The following ANK3 variants were observed in gnomAD, a reference collection of about 807,000 sequenced individuals.
ANK3 encodes ankyrin 3.
ANK3 carries 57 observed loss-of-function variants against 370.9 expected under a neutral mutation model. The observed-to-expected ratio is 0.15, with a 90% confidence interval of 0.12 to 0.19. The LOEUF is 0.19. Among genes scored for constraint, ANK3 ranks in the 10% least tolerant of loss-of-function variants. The pLI is 1.00. For synonymous variants in ANK3, 1,929 were observed against 1,946.3 expected, an observed-to-expected ratio of 0.99 and a Z score of 0.23; for missense variants, 4,439 against 5,302.1, an observed-to-expected ratio of 0.84 and a Z score of 5.06.
At chr10:60,299,803 T>C (rs2043294645) in intron 1 of ANK3, among the ~76,000 whole-genome samples, 1 of 152,208 alleles carries the variant, frequency 6.6e-6, no homozygotes, top group African/African-American at 2.4e-5. Context: ...GGAAATAAAA[T>C]TACATTTTCC....
intron 42 of ANK3, chr10:60,051,557 A>C (rs896719008): frequency 2.0e-6 from 2 of 985,458 alleles, no homozygotes; most frequent in Non-Finnish European, 2.4e-6. Context: ...ACTGTCTTTC[A>C]AGTCCTGACA....
chr10:60,137,499 A>G (rs930976094), intron 24 of ANK3: 3 of 229,152 alleles, frequency 1.3e-5, no homozygotes, highest in African/African-American at 6.8e-5. Flanking sequence ...CACTCAGAAT[A>G]TATTTTACTT....
At chr10:60,461,045 A>C (rs2064871796) in intron 2 of ANK3, among the ~76,000 whole-genome samples, 1 of 152,082 alleles carries the variant, frequency 6.6e-6, no homozygotes, top group Non-Finnish European at 1.5e-5. Flanking sequence ...AGGTCACAAA[A>C]CTCAAAATGC....
At chr10:60,269,759 A>G (rs2097939541) in intron 5 of ANK3, among the ~76,000 whole-genome samples, 1 of 152,040 alleles carries the variant, frequency 6.6e-6, no homozygotes, top group Admixed American at 6.6e-5. Context: ...AAATTTGGAA[A>G]AACAATTTAA....
intron 41 of ANK3, among the ~76,000 whole-genome samples, chr10:60,056,353 C>T (rs1250232663): frequency 6.8e-6 from 1 of 146,822 alleles, no homozygotes; most frequent in Non-Finnish European, 1.5e-5. Flanking sequence ...CCTGTAATCC[C>T]AGCTACTCAG....
intron 1 of ANK3, among the ~76,000 whole-genome samples, chr10:60,359,564 A>C (rs778406427): frequency 6.6e-6 from 1 of 152,222 alleles, no homozygotes; most frequent in Non-Finnish European, 1.5e-5. Flanking sequence ...ATTATATTTT[A>C]TTGGTGTGAT....
intron 30 of ANK3, 48 bp downstream of exon 30, chr10:60,086,629 C>T: frequency 6.8e-7 from 1 of 1,478,614 alleles, no homozygotes; most frequent in Admixed American, 1.9e-5. Context: ...TATCTTTGTA[C>T]ACAATCTTTG....
chr10:60,532,227 A>C (rs2076621600), intron 2 of ANK3, among the ~76,000 whole-genome samples: 1 of 152,156 alleles, frequency 6.6e-6, no homozygotes, highest in Non-Finnish European at 1.5e-5. Context: ...TACTTCTCAC[A>C]ATCAGGCCTC....
intron 16 of ANK3, among the ~76,000 whole-genome samples, chr10:60,190,008 G>T (rs2096444273): frequency 6.6e-6 from 1 of 152,116 alleles, no homozygotes; most frequent in Admixed American, 6.5e-5. Flanking sequence ...GGTTATGCCT[G>T]AACTCAAGCC....
intron 8 of ANK3, among the ~76,000 whole-genome samples, chr10:60,225,400 G>T (rs1437694554): frequency 6.6e-6 from 1 of 152,150 alleles, no homozygotes; most frequent in African/African-American, 2.4e-5. Context: ...AAAAGCATCA[G>T]TAGCTACATT....
intron 37 of ANK3, 55 bp downstream of exon 37, chr10:60,068,582 C>T (rs943239826): frequency 9.2e-6 from 14 of 1,516,434 alleles, no homozygotes; most frequent in Admixed American, 4.3e-5. Flanking sequence ...AAACTATGCT[C>T]GTTCTCCAGG....
At chr10:60,276,562 TGTAA>T (rs1445099134) in intron 4 of ANK3, among the ~76,000 whole-genome samples, 25 of 152,250 alleles carry the variant, frequency 1.6e-4, no homozygotes, top group African/African-American at 6.0e-4. Context: ...CGAGCACAAC[TGTAA>T]GTAACAGGGA....
intron 7 of ANK3, among the ~76,000 whole-genome samples, chr10:60,244,073 A>G (rs2097517539): frequency 1.3e-5 from 2 of 152,216 alleles, no homozygotes; most frequent in Non-Finnish European, 2.9e-5. Flanking sequence ...CTGCTGGGAA[A>G]TGTGGAATTG....
At chr10:60,201,357 A>T (rs912209088) in intron 12 of ANK3, among the ~76,000 whole-genome samples, 2 of 152,184 alleles carry the variant, frequency 1.3e-5, no homozygotes, top group Non-Finnish European at 2.9e-5. Flanking sequence ...GTAAGCGTGC[A>T]GGGCCTCCTA....
chr10:60,072,999 T>C lies in ANK3; in HGVS notation c.7882A>G (p.Ser2628Gly), dbSNP rs369692292. ...GKEYSSQSPT[S>G]SSPEKVLLTE... ...AGTAGCACTTTCTCAGGGCTGCTAC[T>C]GGTAGGGCTTTGAGAAGAATATTCT... Residue 2628 changes from serine to glycine, a missense_variant, in exon 37 of 44, where the codon AGT becomes GGT. Around this residue, in one of 13 missense-constraint regions of ANK3, gnomAD observed 1,601 missense variants for 1,731.7 expected, o/e 0.92. Transcript: ENST00000280772. 5 of 1,614,040 alleles carry C rather than the reference T, an allele frequency of 3.1e-6. No individual in the cohort carries two copies. In the African/African-American group the frequency reaches 6.7e-5, roughly 22 times the overall value.
At chr10:60,592,241 A>G (rs2077926297) in intron 2 of ANK3, among the ~76,000 whole-genome samples, 1 of 152,132 alleles carries the variant, frequency 6.6e-6, no homozygotes, top group Admixed American at 6.5e-5. Flanking sequence ...TAATTTAAAC[A>G]TTTAAGAAAA....
chr10:60,605,112 G>A lies in ANK3; in HGVS notation c.96+10074C>T, dbSNP rs577938366. On this transcript the variant is annotated intron_variant, in intron 2 of 43. Coordinates refer to the ANK3 transcript ENST00000373827. Reference sequence around the variant, plus strand: ...TTCAAGTCCCTAAAATGGGCAATTCGTTTCCATAGAGCCTCATTTTAAAAG... The same window carrying A: ...TTCAAGTCCCTAAAATGGGCAATTCATTTCCATAGAGCCTCATTTTAAAAG... Among the ~76,000 whole-genome samples, 10 of 152,254 alleles carry A rather than the reference G, an allele frequency of 6.6e-5. 2 individuals are homozygous for A. In the South Asian group the frequency reaches 1.7e-3, roughly 25 times the overall value.
intron 23 of ANK3, among the ~76,000 whole-genome samples, chr10:60,157,337 T>A (rs1411998658): frequency 8.6e-6 from 1 of 116,434 alleles, no homozygotes; most frequent in African/African-American, 2.8e-5. Flanking sequence ...GTGCCCGGCT[T>A]TTTTTTTTTT....
At chr10:60,731,425 A>G (rs1228326394) in intron 1 of ANK3, among the ~76,000 whole-genome samples, 1 of 152,194 alleles carries the variant, frequency 6.6e-6, no homozygotes, top group East Asian at 1.9e-4. Context: ...CTGTGAGATT[A>G]TGAAACATAT....
Sources: allele counts gnomAD v4.1 joint callset (sites outside exome capture counted in the v4.1 genomes callset), GRCh38; gene constraint gnomAD v4.1.1; regional missense constraint gnomAD v4.1.1; transcripts MANE v1.5; gene names NCBI Gene and HGNC (gene_info 2026-07-23, HGNC 2026-07-21).